The following LRBA variants were observed in gnomAD, a reference collection of about 807,000 sequenced individuals.
LRBA encodes the protein LPS responsive beige-like anchor protein, also known as lipopolysaccharide-responsive and beige-like anchor protein.
Under a neutral mutation model 330.0 loss-of-function variants are expected in LRBA, and 176 were observed. The ratio of observed to expected loss-of-function variants is 0.53; its 90% CI spans 0.47 to 0.60. LRBA has a LOEUF of 0.60. LRBA is among the 20% of genes least tolerant of loss of function. The pLI is 0.00. For synonymous variants in LRBA, 1,230 were observed against 1,193.0 expected (o/e 1.03, Z -0.64); for missense variants, 3,259 against 3,444.8 (o/e 0.95, Z 1.35).
In LRBA at chr4:150,900,055, C is replaced by T; in HGVS notation, c.1918G>A (p.Gly640Arg). 2 of 1,610,048 alleles carry T rather than the reference C, an allele frequency of 1.2e-6. No homozygotes were observed. Among genetic ancestry groups the T allele is most frequent in the Non-Finnish European group, 1.7e-6 (2 of 1,177,382 alleles). ...PQDRSGITPK[G>R]LDGPRPNQKE... ...ACAGACAGAAATTATATACCTAATC[C>T]TTTTGGGGTGATACCACTTCGATCC... Residue 640 changes from glycine (G) to arginine (R), a missense_variant, in exon 14 of 57, where the codon GGA becomes AGA. Gly to Arg is a moderately radical substitution (Grantham distance 125). Transcript: ENST00000651943.
intron 40 of LRBA, among the ~76,000 whole-genome samples, chr4:150,525,073 G>A (rs1763311557): frequency 1.3e-5 from 2 of 152,126 alleles, no homozygotes; most frequent in South Asian, 4.2e-4. Context: ...ATTCTACTAA[G>A]AGCAAATGTT....
chr4:150,464,862 T>C (rs1755243040), intron 44 of LRBA, among the ~76,000 whole-genome samples: 2 of 152,134 alleles, frequency 1.3e-5, no homozygotes, highest in African/African-American at 2.4e-5. Flanking sequence ...TGTTTCTAGT[T>C]TGCTAACTTT....
At chr4:150,935,695 A>C (rs1400958486) in intron 2 of LRBA, among the ~76,000 whole-genome samples, 1 of 151,960 alleles carries the variant, frequency 6.6e-6, no homozygotes, top group Non-Finnish European at 1.5e-5. Context: ...ATCATTAAAC[A>C]AATGGTATAA....
intron 53 of LRBA, among the ~76,000 whole-genome samples, chr4:150,289,897 A>G (rs577184915): frequency 3.3e-5 from 5 of 152,346 alleles, no homozygotes; most frequent in African/African-American, 1.2e-4. Flanking sequence ...CATTTTGGGA[A>G]CCACTTGCAA....
intron 39 of LRBA, among the ~76,000 whole-genome samples, chr4:150,588,969 T>C (rs2126444376): frequency 6.6e-6 from 1 of 152,168 alleles, no homozygotes; most frequent in Middle Eastern, 3.4e-3. Context: ...CAGCATAATG[T>C]GTATTAGAGC....
intron 46 of LRBA, among the ~76,000 whole-genome samples, chr4:150,428,376 G>T (rs1221725245): frequency 1.3e-5 from 2 of 152,016 alleles, no homozygotes; most frequent in Non-Finnish European, 2.9e-5. Flanking sequence ...ATAAAATGTA[G>T]AAAATTGAAT....
chr4:150,453,309 C>T (rs1446219456), intron 44 of LRBA, among the ~76,000 whole-genome samples: 1 of 152,116 alleles, frequency 6.6e-6, no homozygotes, highest in Non-Finnish European at 1.5e-5. Flanking sequence ...GACTGTGATA[C>T]TGATATAAGG....
intron 36 of LRBA, among the ~76,000 whole-genome samples, chr4:150,717,493 C>CA (rs955033123): frequency 8.6e-5 from 13 of 151,328 alleles, no homozygotes; most frequent in South Asian, 2.1e-4. Context: ...CCGATCTCTA[C>CA]AAAAAACAAA....
At chr4:150,357,237 T>C (rs1546417) in intron 47 of LRBA, among the ~76,000 whole-genome samples, 128,673 of 151,988 alleles carry the variant, frequency 0.85, 55,118 homozygotes, top group Non-Finnish European at 0.92. Context: ...TTGATATAAC[T>C]ATCAAGCACT....
At chr4:150,476,055 A>G (rs1040083555) in intron 42 of LRBA, among the ~76,000 whole-genome samples, 3 of 152,206 alleles carry the variant, frequency 2.0e-5, no homozygotes, top group Admixed American at 1.3e-4. Flanking sequence ...CAAAGAATCA[A>G]CTTTTGTTTC....
chr4:150,646,483 C>T (rs1160064347), intron 37 of LRBA, among the ~76,000 whole-genome samples: 3 of 151,856 alleles, frequency 2.0e-5, no homozygotes, highest in Non-Finnish European at 4.4e-5. Context: ...GGCCAATAGG[C>T]GGTTTTTGAA....
chr4:150,854,954 T>C (rs1383674250), intron 22 of LRBA, among the ~76,000 whole-genome samples: 1 of 151,958 alleles, frequency 6.6e-6, no homozygotes, highest in Non-Finnish European at 1.5e-5. Flanking sequence ...GACAATCTGA[T>C]TTCCCTTTTT....
chr4:150,324,728 T>C (rs1733008652), intron 49 of LRBA, among the ~76,000 whole-genome samples: 1 of 152,170 alleles, frequency 6.6e-6, no homozygotes, highest in Non-Finnish European at 1.5e-5. Context: ...CACCACAACA[T>C]GGAATTTGAC....
chr4:150,720,197 C>A (rs1728744582), intron 36 of LRBA, among the ~76,000 whole-genome samples: 1 of 151,616 alleles, frequency 6.6e-6, no homozygotes. Flanking sequence ...CACAATGGAA[C>A]AAAAAAGTAT....
intron 47 of LRBA, among the ~76,000 whole-genome samples, chr4:150,356,397 T>C (rs1209985662): frequency 6.6e-6 from 1 of 152,078 alleles, no homozygotes; most frequent in African/African-American, 2.4e-5. Context: ...CCTGTCCCCC[T>C]AATAAGATGC....
chr4:150,940,957 G>A (rs1366751278), intron 2 of LRBA, among the ~76,000 whole-genome samples: 1 of 151,706 alleles, frequency 6.6e-6, no homozygotes, highest in Non-Finnish European at 1.5e-5. Context: ...TGAAAGTCTT[G>A]AAGATCTAAT....
rs1352710334 is a variant in LRBA at position 151,009,547 on chromosome 4, C to CA, written c.216+4879dup. On this transcript the variant is annotated intron_variant, in intron 2 of 56. Coordinates refer to ENST00000651943, the MANE Select transcript of LRBA (RefSeq NM_001364905.1). Reference sequence around the variant, plus strand: ...CTGGTGAGGGAGCAAGACTCTGTCTCAAAAAAAAAAAAAAAAACTAGCGGG... The same window carrying CA: ...CTGGTGAGGGAGCAAGACTCTGTCTCAAAAAAAAAAAAAAAAAACTAGCGGG... Among the ~76,000 whole-genome samples, 812 of 83,296 alleles carry CA rather than the reference C, an allele frequency of 9.7e-3. 1 individual carries two copies. Among genetic ancestry groups the CA allele is most frequent in the Middle Eastern group, 0.024 (3 of 124 alleles). 54.6% of individuals were successfully genotyped at this position (83,296 alleles called of 152,430 possible).
chr4:150,351,428 G>A (rs1481376721), intron 47 of LRBA, among the ~76,000 whole-genome samples: 2 of 152,172 alleles, frequency 1.3e-5, no homozygotes, highest in African/African-American at 4.8e-5. Flanking sequence ...GGTGGTTCAT[G>A]CCTGTAATCC....
At chr4:150,781,203 T>C (rs1738175296) in intron 34 of LRBA, among the ~76,000 whole-genome samples, 1 of 152,186 alleles carries the variant, frequency 6.6e-6, no homozygotes, top group African/African-American at 2.4e-5. Flanking sequence ...TATTACTACA[T>C]TGTACTATGT....
Sources: gnomAD v4.1 joint callset for allele counts (sites outside exome capture counted in the v4.1 genomes callset) on GRCh38, gnomAD v4.1.1 for gene constraint, MANE v1.5 for transcripts, NCBI Gene and HGNC (gene_info 2026-07-23, HGNC 2026-07-21) for gene names.